The following PNPT1 variants were observed in gnomAD, a reference collection of about 807,000 sequenced individuals.
PNPT1 encodes polyribonucleotide nucleotidyltransferase 1, also known as polyribonucleotide nucleotidyltransferase 1, mitochondrial.
In PNPT1, 53 loss-of-function variants were observed where a neutral mutation model predicts 119.5. That is an observed-to-expected ratio of 0.44 (90% CI 0.36 to 0.56). The LOEUF is 0.56. Among genes scored for constraint, PNPT1 ranks in the 20% least tolerant of loss-of-function variants. PNPT1 has a pLI of 0.00. For synonymous variants in PNPT1, 357 were observed against 322.1 expected (o/e 1.11, Z -1.16); for missense variants, 948 against 938.5 (o/e 1.01, Z -0.13).
chr2:55,677,066 A>G (rs992489364), intron 8 of PNPT1, among the ~76,000 whole-genome samples: 1 of 152,240 alleles, frequency 6.6e-6, no homozygotes, highest in African/African-American at 2.4e-5. Context: ...AGCTGGCTGA[A>G]TAGCTGCATG....
chr2:55,636,083 A>T lies in PNPT1; in HGVS notation c.*154T>A, dbSNP rs1417521682. On this transcript the variant is annotated 3_prime_UTR_variant, in exon 28 of 28. Coordinates refer to ENST00000447944, the MANE Select transcript of PNPT1 (RefSeq NM_033109.5). ...AAATATGGGTTACTCGAATTAAAAAAATGGCACATGTAAATGAGCATTTTA... is the reference window on the plus strand; with the variant it reads ...AAATATGGGTTACTCGAATTAAAAATATGGCACATGTAAATGAGCATTTTA... 1 of 428,098 alleles carries T rather than the reference A, an allele frequency of 2.3e-6. No individual in the cohort carries two copies. Among genetic ancestry groups the T allele is most frequent in the Non-Finnish European group, 3.9e-6 (1 of 257,890 alleles). The allele number at this position is 428,098 out of a possible 1,614,324, so 26.5% of individuals were successfully genotyped here.
intron 13 of PNPT1, among the ~76,000 whole-genome samples, chr2:55,662,642 C>G (rs1417934139): frequency 1.3e-5 from 2 of 152,084 alleles, no homozygotes; most frequent in East Asian, 3.9e-4. Context: ...CCACTGCACT[C>G]CAGCCTGGGC....
At chr2:55,665,353 T>C (rs1696700866) in intron 13 of PNPT1, among the ~76,000 whole-genome samples, 7 of 152,170 alleles carry the variant, frequency 4.6e-5, no homozygotes, top group Admixed American at 3.9e-4. Context: ...CTTTGTGACT[T>C]TGAGGTACAG....
intron 15 of PNPT1, among the ~76,000 whole-genome samples, chr2:55,659,463 G>A (rs1696493000): frequency 6.6e-6 from 1 of 151,294 alleles, no homozygotes; most frequent in Middle Eastern, 3.2e-3. Context: ...AGGTGATTTG[G>A]GAGTTGAGGT....
At chr2:55,645,830 T>TTTTTTTG (rs1242400664) in intron 21 of PNPT1, among the ~76,000 whole-genome samples, 2 of 117,572 alleles carry the variant, frequency 1.7e-5, no homozygotes, top group Middle Eastern at 4.5e-3. Context: ...CCTGGCTACT[T>TTTTTTTG]AGTACTTCTT....
intron 13 of PNPT1, among the ~76,000 whole-genome samples, chr2:55,666,657 T>C (rs996749657): frequency 1.3e-5 from 2 of 152,106 alleles, no homozygotes; most frequent in African/African-American, 4.8e-5. Flanking sequence ...TTGGGCAACA[T>C]AGTAAGACCT....
chr2:55,682,687 C>T (rs139667837), intron 5 of PNPT1, among the ~76,000 whole-genome samples: 1 of 152,176 alleles, frequency 6.6e-6, no homozygotes, highest in East Asian at 1.9e-4. Context: ...GCAGGAGGAT[C>T]GCTTGAGAGC....
At chr2:55,691,866 ATATATATATATATTTTT>A (rs1697615334) in intron 1 of PNPT1, among the ~76,000 whole-genome samples, 1 of 77,272 alleles carries the variant, frequency 1.3e-5, no homozygotes, top group Non-Finnish European at 2.4e-5. Flanking sequence ...ATATATATAT[ATATATATATATATTTTT>A]TTTTTTTTTT....
chr2:55,686,399 G>A lies in PNPT1; in HGVS notation c.268C>T (p.Pro90Ser), dbSNP rs1346995578. 2 of 1,613,694 alleles carry A rather than the reference G, an allele frequency of 1.2e-6. No homozygotes were observed. Among genetic ancestry groups the A allele is most frequent in the African/African-American group, 2.7e-5 (2 of 74,916 alleles). The change falls in exon 3 of 28, where the codon CCT (proline) becomes TCT (serine). Residue 90 changes from proline to serine, a missense_variant. Physicochemically the swap from Pro to Ser is moderately conservative, Grantham distance 74. Transcript: ENST00000447944. ...VMVTAVSKTKPSPSQFMPLVV... is the reference protein window; with the variant it reads ...VMVTAVSKTKSSPSQFMPLVV... Reference sequence around the variant, plus strand: ...AAAGGCATAAACTGGGAAGGGGAAGGTTTTGTTTTACTGACCGCTGTGACC... The same window carrying A: ...AAAGGCATAAACTGGGAAGGGGAAGATTTTGTTTTACTGACCGCTGTGACC...
In PNPT1 at chr2:55,636,985, T is replaced by C. The variant is rs568428288; in HGVS notation, c.2196+567A>G. Among the ~76,000 whole-genome samples, 13 of 152,312 alleles carry C rather than the reference T, an allele frequency of 8.5e-5. No homozygotes were observed. In the South Asian group the frequency reaches 2.5e-3, roughly 29 times the overall value. On this transcript the variant is annotated intron_variant, in intron 27 of 27. Transcript: ENST00000447944. Reference sequence around the variant, plus strand: ...GCTACTTGGACAATAAGACTACACATTGGGAATAAACCAGAAGCCTTAGTT... The same window carrying C: ...GCTACTTGGACAATAAGACTACACACTGGGAATAAACCAGAAGCCTTAGTT...
At position 55,643,043 on chromosome 2, in the gene PNPT1, G is replaced by A. The variant is rs552232567; in HGVS notation, c.2069+115C>T. On this transcript the variant is annotated intron_variant, in intron 25 of 27. Transcript: ENST00000447944. ...GTGGGAGAACTGCCTGATCCCAGGA[G>A]TTCAAGGCAGCTGTGAGGTACAATG... 1.2e-5 allele frequency: 13 copies of A among 1,106,508 alleles called. No homozygotes were observed. In the African/African-American group the frequency reaches 1.2e-4, roughly 11 times the overall value. 68.5% of individuals were successfully genotyped at this position (1,106,508 alleles called of 1,614,324 possible). A position where few individuals can be genotyped will look rare whatever the true frequency, so the allele number is the denominator to read the frequency against.
At chr2:55,648,984 G>C (rs967541187) in intron 18 of PNPT1, among the ~76,000 whole-genome samples, 1 of 117,738 alleles carries the variant, frequency 8.5e-6, no homozygotes, top group Admixed American at 8.3e-5. Flanking sequence ...TTTTCTCTAA[G>C]CAACCTCATC....
chr2:55,655,903 C>G (rs769634172), intron 17 of PNPT1, among the ~76,000 whole-genome samples: 3 of 152,150 alleles, frequency 2.0e-5, no homozygotes, highest in African/African-American at 7.2e-5. Context: ...CAAACTGGAT[C>G]TACTATAACA....
At chr2:55,647,615 G>T (rs1038815427) in intron 18 of PNPT1, among the ~76,000 whole-genome samples, 162 bp from the exon 19 acceptor site, 1 of 151,910 alleles carries the variant, frequency 6.6e-6, no homozygotes, top group African/African-American at 2.4e-5. Flanking sequence ...TGCTTCCTGG[G>T]TTCAAGCAAT....
chr2:55,646,208 C>T, intron 21 of PNPT1, 51 bp downstream of exon 21: 19 of 1,465,880 alleles, frequency 1.3e-5, no homozygotes, highest in Non-Finnish European at 1.7e-5. Context: ...ACTATAGTTC[C>T]CATTAGCAAA....
At position 55,649,154 on chromosome 2, in the gene PNPT1, T is replaced by C. The variant is rs1172323137; in HGVS notation, c.1496-1701A>G. ...AAGCACCTTAAATATATATTCAAAA[T>C]TGAGCCAGGCCCAGTGGCTCATGCT... On this transcript the variant is annotated intron_variant, in intron 18 of 27. Transcript: ENST00000447944. Among the ~76,000 whole-genome samples, 5 of 152,274 alleles carry C rather than the reference T, an allele frequency of 3.3e-5. No homozygotes were observed. In the South Asian group the frequency reaches 8.3e-4, roughly 25 times the overall value.
Position 55,693,714 on chromosome 2 carries a change from G to T in PNPT1, c.110C>A (p.Ala37Glu). Residue 37 changes from alanine (A) to glutamate (E), a missense_variant, in exon 1 of 28, where the codon GCA (alanine) becomes GAA (glutamate). Transcript: ENST00000447944. ...TCGAGACCCTGCGCTACTCCATAGT[G>T]CTCGCACTTGCAACTGGGTGAGTGC... is the stretch of plus-strand genomic sequence containing the variant. ...DRALTQLQVR[A>E]LWSSAGSRAV... 1 of 1,614,190 alleles carries T rather than the reference G, an allele frequency of 6.2e-7. No individual in the cohort carries two copies.
intron 8 of PNPT1, among the ~76,000 whole-genome samples, chr2:55,676,262 C>CAAAA (rs11400030): frequency 8.1e-3 from 664 of 81,562 alleles, no homozygotes; most frequent in Non-Finnish European, 9.3e-3. Flanking sequence ...CCATCTCAAC[C>CAAAA]AAAAAAAAAA....
chr2:55,664,060 T>A (rs763915491), intron 13 of PNPT1, among the ~76,000 whole-genome samples: 2 of 152,106 alleles, frequency 1.3e-5, no homozygotes, highest in Non-Finnish European at 2.9e-5. Context: ...ACTGGATCCA[T>A]ACTTGGATCT....
Sources: allele counts gnomAD v4.1 joint callset (sites outside exome capture counted in the v4.1 genomes callset), GRCh38; gene constraint gnomAD v4.1.1; transcripts MANE v1.5; gene names NCBI Gene and HGNC (gene_info 2026-07-23, HGNC 2026-07-21).